The following AKAP7 variants were observed in gnomAD, a reference collection of about 807,000 sequenced individuals.
AKAP7 encodes the protein A kinase (PRKA) anchor protein 7.
Under a neutral mutation model 39.5 loss-of-function variants are expected in AKAP7, and 39 were observed. The observed-to-expected ratio is 0.99, with a 90% CI of 0.76 to 1.29. AKAP7 has a LOEUF of 1.29. Ranked by LOEUF, AKAP7 falls within the 50% of genes most tolerant of loss-of-function variation. The pLI is 0.00. For synonymous variants in AKAP7, 140 were observed against 139.1 expected (o/e 1.01, Z -0.05); for missense variants, 414 against 407.7 (o/e 1.02, Z -0.13).
At chr6:131,164,833 G>A (rs897756822) in intron 3 of AKAP7, among the ~76,000 whole-genome samples, 1 of 152,152 alleles carries the variant, frequency 6.6e-6, no homozygotes, top group East Asian at 1.9e-4. Flanking sequence ...AAATAAGGGT[G>A]TTGGGTTCAG....
intron 7 of AKAP7, among the ~76,000 whole-genome samples, chr6:131,256,019 G>A (rs761681658): frequency 6.6e-6 from 1 of 152,172 alleles, no homozygotes; most frequent in Non-Finnish European, 1.5e-5. Flanking sequence ...ATTTAAGAGT[G>A]CAAGTTGCTG....
At chr6:131,180,825 GTTTGT>G (rs1353116473) in intron 5 of AKAP7, among the ~76,000 whole-genome samples, 3 of 96,772 alleles carry the variant, frequency 3.1e-5, no homozygotes, top group Admixed American at 2.1e-4. Flanking sequence ...TTCTTTTTTT[GTTTGT>G]TTTGTTTTTT....
At chr6:131,280,759 A>C (rs1175800632) in intron 7 of AKAP7, among the ~76,000 whole-genome samples, 5 of 152,204 alleles carry the variant, frequency 3.3e-5, no homozygotes, top group Non-Finnish European at 7.3e-5. Flanking sequence ...AGTCTGAAAG[A>C]GAGTGACTGG....
At chr6:131,169,388 G>A (rs939701495) in intron 5 of AKAP7, 115 bp downstream of exon 5, 6 of 1,150,330 alleles carry the variant, frequency 5.2e-6, no homozygotes, top group Non-Finnish European at 6.4e-6. Context: ...CTAGACTCAA[G>A]TATTTTTTAG....
intron 5 of AKAP7, among the ~76,000 whole-genome samples, chr6:131,182,047 AC>A (rs752055298): frequency 6.6e-6 from 1 of 152,054 alleles, no homozygotes; most frequent in Non-Finnish European, 1.5e-5. Context: ...AATCGCATGA[AC>A]CCAAGAGGCA....
At position 131,195,146 on chromosome 6, in the gene AKAP7, A is replaced by T. The variant is rs562954310; in HGVS notation, c.590-4315A>T. ...TCTTGCCTTTTTTTTAGTGAGGGTG[A>T]TTTTCTTTGGTGGTATAACTTAATT... On this transcript the variant is annotated intron_variant, in intron 5 of 7. Transcript: ENST00000431975. Among the ~76,000 whole-genome samples the T allele has an allele frequency of 4.7e-5, 7 of 149,096 alleles. No individual in the cohort carries two copies. In the South Asian group the frequency reaches 1.1e-3, roughly 23 times the overall value.
chr6:131,204,442 T>C (rs976624535), intron 6 of AKAP7, among the ~76,000 whole-genome samples: 1 of 152,162 alleles, frequency 6.6e-6, no homozygotes, highest in African/African-American at 2.4e-5. Flanking sequence ...GTAATTAAAA[T>C]TGTATAAAAT....
chr6:131,136,167 T>C (rs1243230054), intron 1 of AKAP7, among the ~76,000 whole-genome samples: 1 of 152,222 alleles, frequency 6.6e-6, no homozygotes, highest in African/African-American at 2.4e-5. Flanking sequence ...CGATTTTATC[T>C]TATATCACAA....
chr6:131,232,056 C>A (rs1420651331), intron 7 of AKAP7, among the ~76,000 whole-genome samples: 2 of 152,156 alleles, frequency 1.3e-5, no homozygotes, highest in Non-Finnish European at 2.9e-5. Context: ...GGTATATCAG[C>A]TGTTAATCCG....
intron 1 of AKAP7, among the ~76,000 whole-genome samples, chr6:131,143,738 CTTTTTTT>C (rs768597844): frequency 2.1e-5 from 3 of 142,832 alleles, no homozygotes; most frequent in Middle Eastern, 3.3e-3. Context: ...TAGCCATATT[CTTTTTTT>C]TTTTTTATTT....
chr6:131,246,375 GAAAAGAAA>G (rs1207225530), intron 7 of AKAP7, among the ~76,000 whole-genome samples: 1 of 152,168 alleles, frequency 6.6e-6, no homozygotes, highest in Non-Finnish European at 1.5e-5. Flanking sequence ...AGGCCTGGGA[GAAAAGAAA>G]GCATGGAAAG....
intron 7 of AKAP7, among the ~76,000 whole-genome samples, chr6:131,245,243 CTTTTT>C (rs1240021057): frequency 7.4e-6 from 1 of 135,228 alleles, no homozygotes; most frequent in Non-Finnish European, 1.6e-5. Context: ...GAGTTGAATT[CTTTTT>C]TTTTTTTTTT....
intron 7 of AKAP7, among the ~76,000 whole-genome samples, chr6:131,222,700 C>T (rs1354533231): frequency 6.6e-6 from 1 of 152,020 alleles, no homozygotes; most frequent in Non-Finnish European, 1.5e-5. Flanking sequence ...TGGTAAAGAT[C>T]CTTAAACATT....
chr6:131,265,675 TTCCATTTGTCAGA>T (rs1813729570), intron 7 of AKAP7, among the ~76,000 whole-genome samples: 1 of 152,184 alleles, frequency 6.6e-6, no homozygotes, highest in African/African-American at 2.4e-5. Context: ...AGAAATACAG[TTCCATTTGTCAGA>T]TGTGGAACAG....
chr6:131,175,914 A>C (rs1359475930), intron 5 of AKAP7, among the ~76,000 whole-genome samples: 1 of 152,202 alleles, frequency 6.6e-6, no homozygotes, highest in Non-Finnish European at 1.5e-5. Context: ...CAAACATAGC[A>C]TAAAAATACA....
At chr6:131,264,440 TG>T (rs1364256753) in intron 7 of AKAP7, among the ~76,000 whole-genome samples, 2 of 152,206 alleles carry the variant, frequency 1.3e-5, no homozygotes, top group African/African-American at 4.8e-5. Context: ...AGAATGTAAA[TG>T]TTAGCTATAT....
At chr6:131,225,641 A>G (rs975194051) in intron 7 of AKAP7, among the ~76,000 whole-genome samples, 1 of 152,044 alleles carries the variant, frequency 6.6e-6, no homozygotes, top group Non-Finnish European at 1.5e-5. Context: ...TTTGATATAT[A>G]TTCGTTCATA....
chr6:131,222,851 A>G (rs1374706030), intron 7 of AKAP7, among the ~76,000 whole-genome samples: 1 of 152,228 alleles, frequency 6.6e-6, no homozygotes, highest in African/African-American at 2.4e-5. Context: ...ATTCCATGCT[A>G]CAGAGAAATC....
rs1162098710 is a variant in AKAP7, at chr6:131,241,611, G to GTATATACGTATATATA, written c.850+21804_850+21805insATATACGTATATATAT. The stretch of plus-strand genomic sequence containing the variant: ...TGTGTGTGTGTGTGTGTGTGTGTGT[G>GTATATACGTATATATA]TGTGTGTGTGTGTGTGTATATATAT... On this transcript the variant is annotated intron_variant, in intron 7 of 7. Transcript: ENST00000431975. Among the ~76,000 whole-genome samples the GTATATACGTATATATA allele has an allele frequency of 4.6e-4, 46 of 99,730 alleles. 1 individual carries two copies. Among genetic ancestry groups the GTATATACGTATATATA allele is most frequent in the African/African-American group, 1.6e-3 (45 of 28,360 alleles). The allele number at this position is 99,730 out of a possible 152,430, so 65.4% of individuals were successfully genotyped here.
Sources: allele counts gnomAD v4.1 joint callset (sites outside exome capture counted in the v4.1 genomes callset), GRCh38; gene constraint gnomAD v4.1.1; transcripts MANE v1.5; gene names NCBI Gene and HGNC (gene_info 2026-07-23, HGNC 2026-07-21).